Variants in PDE4B observed in about 807,000 individuals in gnomAD.
The protein encoded by PDE4B is phosphodiesterase 4B.
PDE4B carries 20 observed loss-of-function variants against 82.2 expected under a neutral mutation model. The ratio of observed to expected loss-of-function variants is 0.24; its 90% confidence interval spans 0.17 to 0.35. The LOEUF is 0.35. Among genes scored for constraint, PDE4B ranks in the 10% least tolerant of loss-of-function variants. The pLI is 1.00. For missense variants in PDE4B, 655 were observed against 907.2 expected, an observed-to-expected ratio of 0.72 and a Z score of 3.57; for synonymous variants, 320 against 318.9, an observed-to-expected ratio of 1.00 and a Z score of -0.04.
At chr1:66,362,375 G>T (rs893488854) in intron 10 of PDE4B, among the ~76,000 whole-genome samples, 3 of 152,018 alleles carry the variant, frequency 2.0e-5, no homozygotes, top group African/African-American at 4.8e-5. Flanking sequence ...CATCCTTTAG[G>T]AGGCCACACA....
intron 1 of PDE4B, among the ~76,000 whole-genome samples, chr1:65,886,786 CTT>C (rs1258429942): frequency 2.0e-5 from 3 of 152,030 alleles, no homozygotes; most frequent in Non-Finnish European, 2.9e-5. Context: ...TTTATAGAAG[CTT>C]AGGTGGATTC....
chr1:65,864,221 T>G (rs970845854), intron 1 of PDE4B, among the ~76,000 whole-genome samples: 108 of 152,166 alleles, frequency 7.1e-4, no homozygotes, highest in Non-Finnish European at 1.3e-3. Context: ...GAGTCATTTA[T>G]GTTCTTCTCT....
chr1:65,940,189 G>C (rs1648367353), intron 3 of PDE4B, among the ~76,000 whole-genome samples: 1 of 152,008 alleles, frequency 6.6e-6, no homozygotes, highest in Non-Finnish European at 1.5e-5. Flanking sequence ...TAAAAAGTAG[G>C]GGGCAGGGTA....
chr1:66,055,665 C>T (rs907052433), intron 3 of PDE4B, among the ~76,000 whole-genome samples: 6 of 152,146 alleles, frequency 3.9e-5, no homozygotes, highest in African/African-American at 1.2e-4. Context: ...TAAGTAGATG[C>T]TTTTCTCCAG....
chr1:66,019,853 T>A (rs1652991061), intron 3 of PDE4B, among the ~76,000 whole-genome samples: 1 of 152,212 alleles, frequency 6.6e-6, no homozygotes, highest in East Asian at 1.9e-4. Flanking sequence ...GAGGAACTAG[T>A]TGAGTAGACA....
At chr1:66,281,889 C>T (rs889982868) in intron 7 of PDE4B, among the ~76,000 whole-genome samples, 4 of 152,172 alleles carry the variant, frequency 2.6e-5, no homozygotes, top group Non-Finnish European at 5.9e-5. Context: ...GACACTCACT[C>T]AGCTTGTAAC....
chr1:65,984,545 T>C (rs1452232577), intron 3 of PDE4B, among the ~76,000 whole-genome samples: 1 of 152,116 alleles, frequency 6.6e-6, no homozygotes, highest in Non-Finnish European at 1.5e-5. Flanking sequence ...AAATATATGT[T>C]CTTGTTCAAG....
chr1:65,862,664 G>C (rs913723923), intron 1 of PDE4B, among the ~76,000 whole-genome samples: 1 of 152,140 alleles, frequency 6.6e-6, no homozygotes, highest in Non-Finnish European at 1.5e-5. Context: ...ATTTAGCTGT[G>C]AATCCGTCTG....
At chr1:65,818,355 G>C (rs114405179) in intron 1 of PDE4B, among the ~76,000 whole-genome samples, 1,579 of 152,152 alleles carry the variant, frequency 0.01, 13 homozygotes, top group Non-Finnish European at 0.018. Flanking sequence ...AGAGAGCTGT[G>C]ATCTTTTCAT....
chr1:65,926,154 T>G (rs1415116913), intron 3 of PDE4B, among the ~76,000 whole-genome samples: 1 of 152,176 alleles, frequency 6.6e-6, no homozygotes, highest in Non-Finnish European at 1.5e-5. Context: ...GTGGTAAATA[T>G]CCTCAGGGCA....
chr1:65,985,928 G>A (rs537740512), intron 3 of PDE4B, among the ~76,000 whole-genome samples: 1 of 152,068 alleles, frequency 6.6e-6, no homozygotes, highest in Admixed American at 6.6e-5. Context: ...TTGCACTGCG[G>A]CAGGAATGTG....
At chr1:66,136,592 C>A (rs895335163) in intron 3 of PDE4B, among the ~76,000 whole-genome samples, 2 of 150,814 alleles carry the variant, frequency 1.3e-5, no homozygotes, top group Admixed American at 6.7e-5. Context: ...TGCCTGTAAT[C>A]CCAGCTACTC....
intron 1 of PDE4B, among the ~76,000 whole-genome samples, chr1:65,911,450 T>G (rs1001156966): frequency 1.1e-4 from 17 of 152,180 alleles, no homozygotes; most frequent in Non-Finnish European, 2.2e-4. Context: ...TCATTGAGTA[T>G]GTATAGTTTT....
At position 66,373,818 on chromosome 1, in the gene PDE4B, A is replaced by G. The variant is rs2050869167; in HGVS notation, c.*1140A>G. 1 of 152,372 alleles carries G rather than the reference A, an allele frequency of 6.6e-6. No individual in the cohort carries two copies. The highest frequency in any genetic ancestry group is 2.4e-5 in the African/African-American group (1 of 41,448). The allele number at this position is 152,372 out of a possible 1,614,324, so 9.4% of individuals were successfully genotyped here. A position where few individuals can be genotyped will look rare whatever the true frequency, so the allele number is the denominator to read the frequency against. On this transcript the variant is annotated 3_prime_UTR_variant, in exon 17 of 17. Coordinates refer to ENST00000341517, the MANE Select transcript of PDE4B (RefSeq NM_002600.4). Reference sequence around the variant, plus strand: ...ATATAACCCAAACGTCACTTAGTAGAGACATATGGCCCCCTTGGCAGAGAG... The same window carrying G: ...ATATAACCCAAACGTCACTTAGTAGGGACATATGGCCCCCTTGGCAGAGAG...
chr1:66,228,639 A>C (rs1557647348), intron 3 of PDE4B, among the ~76,000 whole-genome samples: 6 of 142,932 alleles, frequency 4.2e-5, no homozygotes, highest in African/African-American at 9.1e-5. Context: ...AAAAAAAAAA[A>C]AAAACATGCT....
intron 3 of PDE4B, among the ~76,000 whole-genome samples, chr1:66,108,873 C>T (rs1645426805): frequency 6.6e-6 from 1 of 151,896 alleles, no homozygotes; most frequent in African/African-American, 2.4e-5. Flanking sequence ...GATTTGATAT[C>T]ATTTTCCAAT....
rs187110068 is a variant in PDE4B, at chr1:65,795,973, G to A, written c.-71+2725G>A. On this transcript the variant is annotated intron_variant, in intron 1 of 16. Coordinates refer to ENST00000341517, the MANE Select transcript of PDE4B (RefSeq NM_002600.4). ...TTCAACCATCAAATATGATATAGAA[G>A]ATGCATATGTGGAAGGAATTTATAG... 1.9e-3 allele frequency among the ~76,000 whole-genome samples: 295 copies of A among 152,306 alleles called. 1 individual carries two copies. The highest frequency in any genetic ancestry group is 3.2e-3 in the Non-Finnish European group (216 of 68,020).
At chr1:66,103,679 A>G (rs533075366) in intron 3 of PDE4B, among the ~76,000 whole-genome samples, 191 of 152,272 alleles carry the variant, frequency 1.3e-3, no homozygotes, top group Non-Finnish European at 2.1e-3. Context: ...TTTCCATAGC[A>G]TTCAGTTGGT....
At chr1:65,960,100 C>T (rs1649471695) in intron 3 of PDE4B, among the ~76,000 whole-genome samples, 2 of 152,126 alleles carry the variant, frequency 1.3e-5, no homozygotes, top group Admixed American at 6.6e-5. Flanking sequence ...ATTTTTAGCT[C>T]TTTATGTCTG....
Sources: gnomAD v4.1 joint callset for allele counts (sites outside exome capture counted in the v4.1 genomes callset) on GRCh38, gnomAD v4.1.1 for gene constraint, MANE v1.5 for transcripts, NCBI Gene and HGNC (gene_info 2026-07-23, HGNC 2026-07-21) for gene names.